PTAFR: variants seen among roughly 807,000 people sequenced by gnomAD.
PTAFR encodes the protein platelet-activating factor receptor.
Under a neutral mutation model 14.7 loss-of-function variants are expected in PTAFR, and 8 were observed. The ratio of observed to expected loss-of-function variants is 0.54; its 90% CI spans 0.32 to 0.98. PTAFR has a LOEUF of 0.98. Among genes scored for constraint, PTAFR ranks in the 50% least tolerant of loss-of-function variants. PTAFR has a pLI of 0.04. For missense variants in PTAFR, 337 were observed against 451.2 expected (o/e 0.75, Z 2.29); for synonymous variants, 156 against 176.5 (o/e 0.88, Z 0.92).
chr1:28,186,340 C>A (rs1447325528), intron 1 of PTAFR, among the ~76,000 whole-genome samples: 3 of 150,808 alleles, frequency 2.0e-5, no homozygotes, highest in Admixed American at 6.6e-5. Context: ...AAAAAAAAAA[C>A]AAGAATTAAA....
chr1:28,176,432 G>A lies in PTAFR; in HGVS notation c.-39+160C>T, dbSNP rs536795384. 2.0e-3 allele frequency among the ~76,000 whole-genome samples: 257 copies of A among 128,990 alleles called. 1 individual carries two copies. In the Middle Eastern group the frequency reaches 0.02, roughly 10 times the overall value. 84.6% of individuals were successfully genotyped at this position (128,990 alleles called of 152,430 possible). ...CACTTCTGCCTGGACAACAGAGTGA[G>A]AGACCCTGTCTCAAAAAAAAAAAAA... On this transcript the variant is annotated intron_variant, in intron 1 of 1. Coordinates refer to ENST00000373857, the MANE Select transcript of PTAFR (RefSeq NM_000952.5).
chr1:28,166,219 C>A (rs1354795490), intron 1 of PTAFR, among the ~76,000 whole-genome samples: 1 of 152,114 alleles, frequency 6.6e-6, no homozygotes, highest in Non-Finnish European at 1.5e-5. Flanking sequence ...AGAATAGTCC[C>A]TTCAACGAAA....
At chr1:28,162,915 G>T (rs1268513749) in intron 1 of PTAFR, among the ~76,000 whole-genome samples, 2 of 147,638 alleles carry the variant, frequency 1.4e-5, no homozygotes. Flanking sequence ...GAGACATGTT[G>T]TACCCCAACA....
intron 1 of PTAFR, among the ~76,000 whole-genome samples, chr1:28,168,927 CA>C (rs1451648225): frequency 6.6e-6 from 1 of 152,078 alleles, no homozygotes; most frequent in Non-Finnish European, 1.5e-5. Flanking sequence ...ATTGACCTCC[CA>C]AAGTGCTGGG....
At chr1:28,173,176 T>C (rs1278264956) in intron 1 of PTAFR, among the ~76,000 whole-genome samples, 1 of 146,498 alleles carries the variant, frequency 6.8e-6, no homozygotes, top group African/African-American at 2.5e-5. Flanking sequence ...TAGTCCTGGC[T>C]ACTTGGGTGG....
At chr1:28,193,631 T>G (rs1487618822) in intron 1 of PTAFR, 1 of 152,910 alleles carries the variant, frequency 6.5e-6, no homozygotes, top group African/African-American at 2.4e-5. Context: ...CTGTGGACCC[T>G]TCCAGAATCT....
At chr1:28,189,319 A>C (rs543879867) in intron 1 of PTAFR, among the ~76,000 whole-genome samples, 1 of 152,246 alleles carries the variant, frequency 6.6e-6, no homozygotes, top group Non-Finnish European at 1.5e-5. Context: ...AACAAAGATA[A>C]TAAACATAAT....
At chr1:28,157,131 A>C (rs1413940351) in intron 1 of PTAFR, among the ~76,000 whole-genome samples, 2 of 151,986 alleles carry the variant, frequency 1.3e-5, no homozygotes, top group Non-Finnish European at 2.9e-5. Flanking sequence ...CAAGATAAAT[A>C]ATATTTTATT....
chr1:28,151,297 A>C (rs1646184726), intron 1 of PTAFR, among the ~76,000 whole-genome samples: 1 of 151,848 alleles, frequency 6.6e-6, no homozygotes, highest in Non-Finnish European at 1.5e-5. Context: ...CTCCTGCCTC[A>C]GCCTCCCAAG....
intron 1 of PTAFR, among the ~76,000 whole-genome samples, chr1:28,158,712 A>G (rs1020207387): frequency 6.6e-6 from 1 of 152,076 alleles, no homozygotes. Flanking sequence ...AAAAAAAATC[A>G]TCAGTCAACT....
At chr1:28,153,358 C>T (rs1357836024) in intron 1 of PTAFR, among the ~76,000 whole-genome samples, 1 of 152,120 alleles carries the variant, frequency 6.6e-6, no homozygotes, top group Admixed American at 6.6e-5. Context: ...GTGGGCATGA[C>T]TCAGGGAAGC....
chr1:28,181,714 C>A (rs1467066812), intron 1 of PTAFR, among the ~76,000 whole-genome samples: 2 of 151,626 alleles, frequency 1.3e-5, no homozygotes, highest in Non-Finnish European at 2.9e-5. Context: ...TGCACTCCAG[C>A]CTGGGCAACA....
chr1:28,150,782 CTG>C lies in PTAFR; in HGVS notation c.238_239del (p.Gln80GlyfsTer34). The stretch of plus-strand genomic sequence containing the variant: ...GGAATTTGGGGAGTATCCAGTTGCC[CTG>C]GTTTTGGTAGTAGACAATCCAAAGT... ...LPLWIVYYQN[Q>X]GNWILPKFLC... is the part of the protein sequence containing the mutation. On this transcript the variant is annotated frameshift_variant, in exon 2 of 2. Transcript: ENST00000373857. LOFTEE classifies it high-confidence loss of function. The surrounding 1 kb of genome is among the most constrained non-coding windows in gnomAD (Gnocchi z 6.3). 6.2e-7 allele frequency: 1 copy of C among 1,614,102 alleles called. No homozygotes were observed. The highest frequency in any genetic ancestry group is 8.5e-7 in the Non-Finnish European group (1 of 1,180,028).
chr1:28,174,437 T>G (rs563761098), intron 1 of PTAFR, among the ~76,000 whole-genome samples: 1 of 152,016 alleles, frequency 6.6e-6, no homozygotes, highest in Non-Finnish European at 1.5e-5. Flanking sequence ...GATCCCAGCC[T>G]CTCCTCATAC....
At chr1:28,152,164 T>TGGG (rs1646198747) in intron 1 of PTAFR, among the ~76,000 whole-genome samples, 2 of 152,130 alleles carry the variant, frequency 1.3e-5, no homozygotes, top group African/African-American at 4.8e-5. Context: ...CCCAAAGTGC[T>TGGG]GGGATTACAG....
intron 1 of PTAFR, among the ~76,000 whole-genome samples, chr1:28,161,053 A>C (rs1398747539): frequency 6.6e-6 from 1 of 152,148 alleles, no homozygotes; most frequent in Non-Finnish European, 1.5e-5. Context: ...TCTGCCAAGA[A>C]ATCCTCCCTT....
At chr1:28,156,955 AC>A (rs1178112697) in intron 1 of PTAFR, among the ~76,000 whole-genome samples, 8 of 151,346 alleles carry the variant, frequency 5.3e-5, no homozygotes, top group Admixed American at 6.6e-5. Context: ...CCTCCCTGCT[AC>A]CCCCGCCCCC....
chr1:28,172,102 G>A (rs1447843945), intron 1 of PTAFR, among the ~76,000 whole-genome samples: 2 of 152,102 alleles, frequency 1.3e-5, no homozygotes, highest in Non-Finnish European at 2.9e-5. Flanking sequence ...TGCAACCTCC[G>A]CCTCCCAGGT....
At chr1:28,153,144 T>C (rs1024914678) in intron 1 of PTAFR, among the ~76,000 whole-genome samples, 5 of 151,740 alleles carry the variant, frequency 3.3e-5, no homozygotes, top group African/African-American at 1.2e-4. Context: ...AAATAAAAAA[T>C]GAAACAATTA....
Sources: allele counts gnomAD v4.1 joint callset (sites outside exome capture counted in the v4.1 genomes callset), GRCh38; gene constraint gnomAD v4.1.1; non-coding constraint Gnocchi (gnomAD v3.1); transcripts MANE v1.5; gene names NCBI Gene and HGNC (gene_info 2026-07-23, HGNC 2026-07-21).